IMMP2L: variants seen among roughly 807,000 people sequenced by gnomAD.
IMMP2L encodes mitochondrial inner membrane protease subunit 2.
A neutral mutation model predicts 19.3 loss-of-function variants in IMMP2L; 18 were observed. That is an observed-to-expected ratio of 0.93 (90% CI 0.64 to 1.38). IMMP2L has a LOEUF of 1.38. IMMP2L is among the 40% of genes most tolerant of loss of function. The pLI is 0.00. For missense variants in IMMP2L, 233 were observed against 218.2 expected, an observed-to-expected ratio of 1.07 and a Z score of -0.43; for synonymous variants, 76 against 73.0, an observed-to-expected ratio of 1.04 and a Z score of -0.21.
intron 3 of IMMP2L, among the ~76,000 whole-genome samples, chr7:111,372,644 C>T (rs1401978587): frequency 6.6e-6 from 1 of 151,750 alleles, no homozygotes; most frequent in East Asian, 1.9e-4. Flanking sequence ...TAAGCAAATT[C>T]TGTTTCATAA....
chr7:111,461,140 A>G (rs80177084), intron 3 of IMMP2L, among the ~76,000 whole-genome samples: 215 of 152,196 alleles, frequency 1.4e-3, no homozygotes, highest in African/African-American at 5.0e-3. Flanking sequence ...ATTACAAATA[A>G]TTCTGTTAGG....
At chr7:111,062,523 A>G (rs756089879) in intron 3 of IMMP2L, among the ~76,000 whole-genome samples, 1 of 152,176 alleles carries the variant, frequency 6.6e-6, no homozygotes, top group Non-Finnish European at 1.5e-5. Flanking sequence ...CCTTCCCAAC[A>G]GTCCCCTAAA....
chr7:111,365,350 A>G (rs1829670355), intron 3 of IMMP2L, among the ~76,000 whole-genome samples: 1 of 152,164 alleles, frequency 6.6e-6, no homozygotes. Flanking sequence ...ATGCCACATC[A>G]TAATGCTTTA....
chr7:111,414,890 T>A (rs1469547641), intron 3 of IMMP2L, among the ~76,000 whole-genome samples: 1 of 151,800 alleles, frequency 6.6e-6, no homozygotes, highest in Non-Finnish European at 1.5e-5. Flanking sequence ...TAAGGTGGCA[T>A]CCCAGATTCC....
At position 111,515,545 on chromosome 7, in the gene IMMP2L, G is replaced by A. The variant is rs897058257; in HGVS notation, c.135+5768C>T. On this transcript the variant is annotated intron_variant, in intron 2 of 5. Transcript: ENST00000405709. ...CTACTGACTTTAATGTATACTTACT[G>A]CCCTGGAAATGTATTCCCCCTTATT... Among the ~76,000 whole-genome samples, 6 of 152,082 alleles carry A rather than the reference G, an allele frequency of 3.9e-5. No homozygotes were observed. The East Asian group carries it at 7.7e-4, about 20-fold the overall frequency.
At chr7:110,794,404 A>G (rs1415987271) in intron 5 of IMMP2L, among the ~76,000 whole-genome samples, 1 of 152,128 alleles carries the variant, frequency 6.6e-6, no homozygotes, top group Non-Finnish European at 1.5e-5. Context: ...TGAAAAGGCT[A>G]TCTACTGTAT....
At chr7:111,316,917 T>C (rs1824166855) in intron 3 of IMMP2L, among the ~76,000 whole-genome samples, 1 of 139,752 alleles carries the variant, frequency 7.2e-6, no homozygotes, top group Non-Finnish European at 1.5e-5. Context: ...TGGCGAGATC[T>C]CGGCTCACTG....
chr7:110,938,805 C>T (rs1816394441), intron 4 of IMMP2L, among the ~76,000 whole-genome samples: 2 of 151,934 alleles, frequency 1.3e-5, no homozygotes, highest in South Asian at 4.2e-4. Flanking sequence ...ATGTAATATG[C>T]AGTTCCTACC....
rs528484866 is a variant in IMMP2L at position 111,118,337 on chromosome 7, A to C, written c.240-154772T>G. Reference sequence around the variant, plus strand: ...GAATAAAGATCTCTTTACTAAGGAAAAGTAGCTTTATCCATAAAAGCTTCT... The same window carrying C: ...GAATAAAGATCTCTTTACTAAGGAACAGTAGCTTTATCCATAAAAGCTTCT... On this transcript the variant is annotated intron_variant, in intron 3 of 5. Transcript: ENST00000405709. Among the ~76,000 whole-genome samples, 3 of 152,256 alleles carry C rather than the reference A, an allele frequency of 2.0e-5. No homozygotes were observed. The East Asian group carries it at 5.8e-4, about 29-fold the overall frequency.
chr7:111,127,289 A>C (rs1271513150), intron 3 of IMMP2L, among the ~76,000 whole-genome samples: 1 of 152,198 alleles, frequency 6.6e-6, no homozygotes, highest in East Asian at 1.9e-4. Flanking sequence ...ACCTATTAGG[A>C]GGCAGGCATA....
intron 3 of IMMP2L, among the ~76,000 whole-genome samples, chr7:111,480,944 A>G (rs1842126675): frequency 6.6e-6 from 1 of 152,158 alleles, no homozygotes; most frequent in African/African-American, 2.4e-5. Flanking sequence ...AAGATTTACA[A>G]GCACTCAAGA....
chr7:110,834,337 GT>G (rs1355170158), intron 5 of IMMP2L, among the ~76,000 whole-genome samples: 9 of 149,154 alleles, frequency 6.0e-5, no homozygotes, highest in Non-Finnish European at 1.3e-4. Context: ...GGCCTTACTG[GT>G]CATATTAACA....
At chr7:110,949,973 T>C (rs1817629497) in intron 4 of IMMP2L, among the ~76,000 whole-genome samples, 1 of 152,096 alleles carries the variant, frequency 6.6e-6, no homozygotes, top group Non-Finnish European at 1.5e-5. Flanking sequence ...ATCCCCTGAA[T>C]AATGAGGGAA....
intron 3 of IMMP2L, among the ~76,000 whole-genome samples, chr7:111,187,072 G>A (rs1250675433): frequency 6.6e-6 from 1 of 152,088 alleles, no homozygotes; most frequent in Non-Finnish European, 1.5e-5. Context: ...CAGAGGAAAA[G>A]ACTGCAAACG....
chr7:110,992,887 A>G (rs1822635634), intron 3 of IMMP2L, among the ~76,000 whole-genome samples: 1 of 152,176 alleles, frequency 6.6e-6, no homozygotes, highest in Non-Finnish European at 1.5e-5. Flanking sequence ...CAGAGATAAA[A>G]TAACTTGGCT....
intron 5 of IMMP2L, among the ~76,000 whole-genome samples, chr7:110,883,943 G>A (rs902362096): frequency 1.1e-4 from 16 of 151,792 alleles, no homozygotes; most frequent in African/African-American, 3.9e-4. Flanking sequence ...TTCAGTAAAT[G>A]GAACATATTA....
chr7:111,283,050 C>A (rs1584442317), intron 3 of IMMP2L, among the ~76,000 whole-genome samples: 1 of 152,216 alleles, frequency 6.6e-6, no homozygotes, highest in East Asian at 1.9e-4. Context: ...TGGAACACTG[C>A]TCCAGGACAG....
At chr7:111,016,791 T>C (rs1163963442) in intron 3 of IMMP2L, among the ~76,000 whole-genome samples, 1 of 73,228 alleles carries the variant, frequency 1.4e-5, no homozygotes, top group Non-Finnish European at 2.4e-5. Flanking sequence ...ATATATACTA[T>C]ATAATATATA....
At chr7:110,962,157 G>C (rs1320101499) in intron 4 of IMMP2L, among the ~76,000 whole-genome samples, 1 of 151,930 alleles carries the variant, frequency 6.6e-6, no homozygotes, top group Non-Finnish European at 1.5e-5. Flanking sequence ...CATGAAAATT[G>C]TTGCTACGAA....
Sources: allele counts gnomAD v4.1 joint callset (sites outside exome capture counted in the v4.1 genomes callset), GRCh38; gene constraint gnomAD v4.1.1; transcripts MANE v1.5; gene names NCBI Gene and HGNC (gene_info 2026-07-23, HGNC 2026-07-21).